Variants in TEX26 observed in about 807,000 individuals in gnomAD.
TEX26 encodes the protein testis expressed 26.
TEX26 carries 34 observed loss-of-function variants against 35.3 expected under a neutral mutation model. The ratio of observed to expected loss-of-function variants is 0.96; its 90% CI spans 0.73 to 1.28. TEX26 has a LOEUF of 1.28. Ranked by LOEUF, TEX26 falls within the 50% of genes most tolerant of loss-of-function variation. TEX26 has a pLI of 0.00. For synonymous variants in TEX26, 136 were observed against 111.8 expected, an observed-to-expected ratio of 1.22 and a Z score of -1.36; for missense variants, 371 against 330.1, an observed-to-expected ratio of 1.12 and a Z score of -0.96.
chr13:30,938,789 T>G lies in TEX26; in HGVS notation c.62-905T>G, dbSNP rs148279199. ...TGACTTTCAGGATGCCACTGGCTCC[T>G]GGTTTCTTCATCACCTCTCTAACAG... On this transcript the variant is annotated intron_variant, in intron 1 of 6. Coordinates refer to ENST00000380473, the MANE Select transcript of TEX26 (RefSeq NM_152325.3). Among the ~76,000 whole-genome samples the G allele has an allele frequency of 6.0e-3, 918 of 152,328 alleles. 13 individuals are homozygous for G. The highest frequency in any genetic ancestry group is 0.021 in the African/African-American group (879 of 41,564).
intron 6 of TEX26, among the ~76,000 whole-genome samples, chr13:30,971,729 G>A (rs113013111): frequency 0.018 from 2,806 of 152,282 alleles, 104 homozygotes; most frequent in African/African-American, 0.065. Context: ...CTTTCAAATT[G>A]TTTTAATCTC....
At chr13:30,935,358 G>A (rs962950047) in intron 1 of TEX26, among the ~76,000 whole-genome samples, 3 of 152,240 alleles carry the variant, frequency 2.0e-5, no homozygotes, top group African/African-American at 7.2e-5. Context: ...GAATCTGAGT[G>A]GGGACTCATG....
chr13:30,957,101 G>T, intron 4 of TEX26, 72 bp downstream of exon 4: 3 of 1,476,886 alleles, frequency 2.0e-6, no homozygotes, highest in Non-Finnish European at 2.8e-6. Context: ...TCGGCAGCAT[G>T]CGTGTGTTCT....
intron 6 of TEX26, among the ~76,000 whole-genome samples, chr13:30,974,134 A>ATATATG (rs1303496223): frequency 1.1e-5 from 1 of 92,146 alleles, no homozygotes; most frequent in Non-Finnish European, 2.5e-5. Flanking sequence ...AAAAAAAAAT[A>ATATATG]TATATATATA....
intron 3 of TEX26, 52 bp from the exon 4 acceptor site, chr13:30,956,821 C>A: frequency 6.6e-7 from 1 of 1,503,790 alleles, no homozygotes; most frequent in Non-Finnish European, 9.2e-7. Flanking sequence ...ATTATTGATC[C>A]TATTGGGTGA....
At chr13:30,934,819 G>A (rs1178697563) in intron 1 of TEX26, among the ~76,000 whole-genome samples, 1 of 152,186 alleles carries the variant, frequency 6.6e-6, no homozygotes, top group African/African-American at 2.4e-5. Flanking sequence ...TGCAGTCCTG[G>A]GCGAGGCTAC....
chr13:30,945,320 C>G (rs1390620965), intron 2 of TEX26, among the ~76,000 whole-genome samples: 1 of 151,338 alleles, frequency 6.6e-6, no homozygotes, highest in African/African-American at 2.4e-5. Context: ...ACCCTTTTTC[C>G]TTGGGTTTAT....
intron 3 of TEX26, among the ~76,000 whole-genome samples, chr13:30,954,546 A>G (rs527855998): frequency 1.3e-5 from 2 of 151,874 alleles, no homozygotes; most frequent in Admixed American, 1.3e-4. Context: ...ACAGCCTCGA[A>G]CTCTTGAACT....
chr13:30,955,221 T>G (rs1026536924), intron 3 of TEX26, among the ~76,000 whole-genome samples: 1 of 152,214 alleles, frequency 6.6e-6, no homozygotes, highest in Non-Finnish European at 1.5e-5. Flanking sequence ...TAAATAAGTT[T>G]ATGAATTTGT....
intron 2 of TEX26, among the ~76,000 whole-genome samples, chr13:30,944,430 G>A (rs1181833133): frequency 6.7e-6 from 1 of 149,524 alleles, no homozygotes; most frequent in Non-Finnish European, 1.5e-5. Flanking sequence ...ATTTTTTTTT[G>A]CTGTTTAATT....
At chr13:30,952,297 T>C (rs1953956757) in intron 2 of TEX26, among the ~76,000 whole-genome samples, 2 of 152,120 alleles carry the variant, frequency 1.3e-5, no homozygotes, top group South Asian at 4.1e-4. Flanking sequence ...TTCTTGTATT[T>C]CTTCCCTTTA....
chr13:30,954,269 T>A (rs1954039840), intron 3 of TEX26, among the ~76,000 whole-genome samples: 1 of 97,930 alleles, frequency 1.0e-5, no homozygotes, highest in African/African-American at 3.7e-5. Flanking sequence ...TATATATTTA[T>A]AGACCTATAC....
At chr13:30,969,707 C>A (rs548877365) in intron 6 of TEX26, among the ~76,000 whole-genome samples, 1 of 152,158 alleles carries the variant, frequency 6.6e-6, no homozygotes, top group Non-Finnish European at 1.5e-5. Flanking sequence ...GGATCACACA[C>A]CCCCTATTCC....
chr13:30,958,764 C>T (rs368818982), intron 4 of TEX26, among the ~76,000 whole-genome samples: 172 of 152,260 alleles, frequency 1.1e-3, no homozygotes, highest in African/African-American at 3.7e-3. Context: ...CCCACCCCAC[C>T]GGCATGCACA....
At position 30,952,736 on chromosome 13, in the gene TEX26, G is replaced by A. The variant is rs1953976176; in HGVS notation, c.223G>A (p.Glu75Lys). Residue 75 changes from glutamate to lysine, a missense_variant, in exon 3 of 7, where the codon GAG becomes AAG. Coordinates refer to ENST00000380473, the MANE Select transcript of TEX26 (RefSeq NM_152325.3). ...PILNQTQYSDEYTWKSHSKED... is the reference protein window; with the variant it reads ...PILNQTQYSDKYTWKSHSKED... ...TCTCAATCAGACACAATATAGTGAT[G>A]AGTACACTTGGAAATCACACTCTAA... 3.1e-6 allele frequency: 5 copies of A among 1,612,474 alleles called. No homozygotes were observed. The highest frequency in any genetic ancestry group is 1.1e-5 in the South Asian group (1 of 90,878).
intron 6 of TEX26, among the ~76,000 whole-genome samples, chr13:30,973,897 C>G (rs983915958): frequency 1.3e-5 from 2 of 151,812 alleles, no homozygotes; most frequent in Non-Finnish European, 2.9e-5. Context: ...TGCCTGTAAT[C>G]CCAGCACTTT....
intron 2 of TEX26, 141 bp downstream of exon 2, chr13:30,939,919 C>G: frequency 1.4e-6 from 1 of 711,440 alleles, no homozygotes; most frequent in Admixed American, 2.3e-5. Context: ...GTGTGCACAC[C>G]TCTGCTCCAA....
At chr13:30,972,723 C>T (rs943415607) in intron 6 of TEX26, among the ~76,000 whole-genome samples, 1 of 152,230 alleles carries the variant, frequency 6.6e-6, no homozygotes, top group African/African-American at 2.4e-5. Flanking sequence ...CAACGTCTGC[C>T]TTGAGGATTC....
At chr13:30,944,631 A>G (rs1240821059) in intron 2 of TEX26, among the ~76,000 whole-genome samples, 1 of 151,930 alleles carries the variant, frequency 6.6e-6, no homozygotes, top group East Asian at 1.9e-4. Context: ...AGAAGTTTTG[A>G]TAACTTGTGT....
Sources: gnomAD v4.1 joint callset for allele counts (sites outside exome capture counted in the v4.1 genomes callset) on GRCh38, gnomAD v4.1.1 for gene constraint, MANE v1.5 for transcripts, NCBI Gene and HGNC (gene_info 2026-07-23, HGNC 2026-07-21) for gene names.